FAT3: variants seen among roughly 807,000 people sequenced by gnomAD.
FAT3 encodes the protein protocadherin Fat 3.
Under a neutral mutation model 310.2 loss-of-function variants are expected in FAT3, and 95 were observed. That is an observed-to-expected ratio of 0.31 (90% CI 0.26 to 0.36). The LOEUF is 0.36. Ranked by LOEUF, FAT3 falls within the 10% of genes least tolerant of loss-of-function variation. The pLI is 1.00. For synonymous variants in FAT3, 2,314 were observed against 2,192.9 expected, an observed-to-expected ratio of 1.06 and a Z score of -1.54; for missense variants, 5,408 against 5,715.6, an observed-to-expected ratio of 0.95 and a Z score of 1.74.
At chr11:92,496,268 A>AT (rs1391929573) in intron 2 of FAT3, among the ~76,000 whole-genome samples, 1 of 152,052 alleles carries the variant, frequency 6.6e-6, no homozygotes, top group Non-Finnish European at 1.5e-5. Context: ...TGCCTAATGC[A>AT]TAAGAGTCAG....
chr11:92,230,439 G>A (rs1053628380), intron 1 of FAT3, among the ~76,000 whole-genome samples: 2 of 149,336 alleles, frequency 1.3e-5, no homozygotes, highest in African/African-American at 4.9e-5. Flanking sequence ...GATTACAGGC[G>A]CACACCACCA....
intron 3 of FAT3, among the ~76,000 whole-genome samples, chr11:92,591,423 T>C (rs1405526664): frequency 6.6e-6 from 1 of 152,134 alleles, no homozygotes; most frequent in Non-Finnish European, 1.5e-5. Context: ...TTTGGAAGTA[T>C]TTAGGAACAC....
intron 4 of FAT3, 48 bp downstream of exon 4, chr11:92,697,493 A>G: frequency 6.4e-7 from 1 of 1,552,206 alleles, no homozygotes; most frequent in Non-Finnish European, 8.9e-7. Flanking sequence ...ACTTTCACTA[A>G]ACTTCTTTAA....
intron 2 of FAT3, among the ~76,000 whole-genome samples, chr11:92,430,676 A>G (rs1487248898): frequency 6.6e-6 from 1 of 151,882 alleles, no homozygotes; most frequent in African/African-American, 2.4e-5. Flanking sequence ...CCACCCTACA[A>G]CAGGCCCTGG....
chr11:92,488,132 C>T (rs930790316), intron 2 of FAT3, among the ~76,000 whole-genome samples: 48 of 152,162 alleles, frequency 3.2e-4, no homozygotes, highest in Non-Finnish European at 3.4e-4. Flanking sequence ...TGAGCAAGCT[C>T]ATGCAGCAAG....
At chr11:92,504,612 G>A (rs1953045297) in intron 2 of FAT3, among the ~76,000 whole-genome samples, 1 of 151,862 alleles carries the variant, frequency 6.6e-6, no homozygotes, top group South Asian at 2.1e-4. Context: ...CCTTTTCCTT[G>A]TTATAATTTC....
intron 4 of FAT3, among the ~76,000 whole-genome samples, chr11:92,725,091 A>T (rs1944962694): frequency 6.6e-6 from 1 of 152,240 alleles, no homozygotes; most frequent in African/African-American, 2.4e-5. Flanking sequence ...TAGAGAAGAA[A>T]TTTATAAAAT....
Position 92,702,072 on chromosome 11 carries a change from T to A in FAT3, c.3669+4627T>A, listed in dbSNP as rs1032051867. ...GCTTAGATGGGCTATTGAACCTCTCTGGATCCCCTTTCTCTCATCTGTGAA... is the reference window on the plus strand; with the variant it reads ...GCTTAGATGGGCTATTGAACCTCTCAGGATCCCCTTTCTCTCATCTGTGAA... On this transcript the variant is annotated intron_variant, in intron 4 of 27. Coordinates refer to ENST00000525166, the MANE Select transcript of FAT3 (RefSeq NM_001367949.2). Among the ~76,000 whole-genome samples the A allele has an allele frequency of 4.6e-5, 7 of 152,360 alleles. No individual in the cohort carries two copies. In the East Asian group the frequency reaches 1.3e-3, roughly 29 times the overall value.
rs1272061512 is a variant in FAT3, at chr11:92,354,077, A to G, written c.1965A>G (p.Ala655=). The G allele has an allele frequency of 9.3e-6, 15 of 1,613,758 alleles. No individual in the cohort carries two copies. Among genetic ancestry groups the G allele is most frequent in the Non-Finnish European group, 1.2e-5 (14 of 1,179,804 alleles). Residue 655 remains alanine (A), a synonymous_variant, in exon 2 of 28, where the codon GCA becomes GCG. Coordinates refer to ENST00000525166, the MANE Select transcript of FAT3 (RefSeq NM_001367949.2). The part of the protein sequence containing the change: ...KNGNFALRIT[A]TDGENLADPM... Reference sequence around the variant, plus strand: ...GCAATTTTGCCCTCAGAATTACAGCAACTGATGGAGAGAATCTTGCAGACC... The same window carrying G: ...GCAATTTTGCCCTCAGAATTACAGCGACTGATGGAGAGAATCTTGCAGACC...
At chr11:92,445,054 G>T (rs1452870065) in intron 2 of FAT3, among the ~76,000 whole-genome samples, 1 of 152,136 alleles carries the variant, frequency 6.6e-6, no homozygotes, top group Non-Finnish European at 1.5e-5. Context: ...ATGAAGACAT[G>T]GGTAGAAGAT....
At chr11:92,626,341 G>A (rs1480451844) in intron 3 of FAT3, among the ~76,000 whole-genome samples, 1 of 152,162 alleles carries the variant, frequency 6.6e-6, no homozygotes, top group African/African-American at 2.4e-5. Flanking sequence ...GGGATTTAGA[G>A]ATAACCACCT....
At chr11:92,609,910 A>C (rs1940483652) in intron 3 of FAT3, among the ~76,000 whole-genome samples, 1 of 152,188 alleles carries the variant, frequency 6.6e-6, no homozygotes, top group Admixed American at 6.5e-5. Flanking sequence ...TTTTGTTAGT[A>C]AGTAAAATTA....
At chr11:92,244,085 G>A (rs1288898420) in intron 1 of FAT3, among the ~76,000 whole-genome samples, 1 of 151,952 alleles carries the variant, frequency 6.6e-6, no homozygotes, top group Non-Finnish European at 1.5e-5. Flanking sequence ...TTTTGTGTGG[G>A]TATTTAGAAG....
chr11:92,240,950 C>A (rs1012250100), intron 1 of FAT3, among the ~76,000 whole-genome samples: 18 of 151,898 alleles, frequency 1.2e-4, no homozygotes, highest in African/African-American at 4.3e-4. Flanking sequence ...CCCTTCCTGC[C>A]ACATTGCTGG....
chr11:92,610,721 T>C (rs963253108), intron 3 of FAT3, among the ~76,000 whole-genome samples: 2 of 152,176 alleles, frequency 1.3e-5, no homozygotes, highest in African/African-American at 2.4e-5. Context: ...TGAAATGATA[T>C]AGTTTAAATA....
intron 2 of FAT3, among the ~76,000 whole-genome samples, chr11:92,387,934 C>CTG (rs1012056965): frequency 5.3e-5 from 8 of 152,118 alleles, no homozygotes; most frequent in Admixed American, 3.9e-4. Flanking sequence ...AGTAATTGTC[C>CTG]TGTCAATACT....
chr11:92,470,153 G>C (rs948556548), intron 2 of FAT3, among the ~76,000 whole-genome samples: 4 of 152,268 alleles, frequency 2.6e-5, no homozygotes, highest in African/African-American at 7.2e-5. Flanking sequence ...ATTGCCCGAG[G>C]CAGAACCCAG....
Position 92,844,170 on chromosome 11 carries a change from C to A in FAT3, c.10803C>A (p.His3601Gln), listed in dbSNP as rs571074322. 7.4e-6 allele frequency: 12 copies of A among 1,613,878 alleles called. No homozygotes were observed. In the Admixed American group the frequency reaches 1.8e-4, roughly 25 times the overall value. The part of the protein sequence containing the change: ...EQKSLFKVNS[H>Q]DGKIIALGGL... ...AAAGCTTATTTAAAGTGAACAGTCA[C>A]GATGGGAAAATCATCGCCCTGGGAG... Residue 3601 changes from histidine (H) to glutamine (Q), a missense_variant, in exon 19 of 28, where the codon CAC (histidine) becomes CAA (glutamine). Physicochemically the swap from His to Gln is conservative, Grantham distance 24. Around this residue, in one of 5 missense-constraint regions of FAT3, gnomAD observed 4,588 missense variants for 4,809.8 expected, o/e 0.95. Transcript: ENST00000525166.
intron 7 of FAT3, among the ~76,000 whole-genome samples, chr11:92,785,038 C>T (rs1340090212): frequency 6.6e-6 from 1 of 151,780 alleles, no homozygotes; most frequent in Non-Finnish European, 1.5e-5. Flanking sequence ...TTTACTGGCA[C>T]ACTTTTTAAC....
Sources: allele counts gnomAD v4.1 joint callset (sites outside exome capture counted in the v4.1 genomes callset), GRCh38; gene constraint gnomAD v4.1.1; regional missense constraint gnomAD v4.1.1; transcripts MANE v1.5; gene names NCBI Gene and HGNC (gene_info 2026-07-23, HGNC 2026-07-21).